Variants in SLC13A5 observed in about 807,000 individuals in gnomAD.
SLC13A5 encodes the protein Na(+)/citrate cotransporter.
Under a neutral mutation model 56.5 loss-of-function variants are expected in SLC13A5, and 25 were observed. The ratio of observed to expected loss-of-function variants is 0.44; its 90% confidence interval spans 0.32 to 0.62. The LOEUF is 0.62. Ranked by LOEUF, SLC13A5 falls within the 20% of genes least tolerant of loss-of-function variation. The pLI, the probability that SLC13A5 is intolerant of heterozygous loss-of-function variation, is 0.04. For synonymous variants in SLC13A5, 307 were observed against 301.5 expected (o/e 1.02, Z -0.19); for missense variants, 649 against 737.8 (o/e 0.88, Z 1.39).
chr17:6,703,467 A>T (rs953543552), intron 4 of SLC13A5, among the ~76,000 whole-genome samples: 5 of 152,214 alleles, frequency 3.3e-5, no homozygotes, highest in African/African-American at 1.2e-4. Flanking sequence ...GGAAGCAAGC[A>T]TGGGACGCCA....
chr17:6,698,233 C>T (rs980612687), intron 6 of SLC13A5, among the ~76,000 whole-genome samples: 56 of 152,230 alleles, frequency 3.7e-4, no homozygotes, highest in African/African-American at 1.2e-3. Context: ...TGGACTGCAG[C>T]CACGCACCCC....
intron 3 of SLC13A5, chr17:6,705,265 A>G (rs1973836373): frequency 6.6e-6 from 1 of 152,256 alleles, no homozygotes. Context: ...TGATATCTCA[A>G]GGCACCAAGG....
In SLC13A5 at chr17:6,687,162, G is replaced by A. The variant is rs1345216466; in HGVS notation, c.1575+367C>T. On this transcript the variant is annotated intron_variant, in intron 11 of 11. Coordinates refer to ENST00000433363, the MANE Select transcript of SLC13A5 (RefSeq NM_177550.5). This position sits in a 1 kb window ranked among gnomAD's most constrained non-coding sequence, Gnocchi z 5.0. The stretch of plus-strand genomic sequence containing the variant: ...CTGTGACTGTCATTAGCATCCCCCT[G>A]CTGCCTAAGCCTGCCCTGCCTATCT... The A allele has an allele frequency of 4.1e-6, 1 of 241,162 alleles. No homozygotes were observed. The highest frequency in any genetic ancestry group is 4.8e-5 in the South Asian group (1 of 20,620). 14.9% of individuals were successfully genotyped at this position (241,162 alleles called of 1,614,324 possible).
chr17:6,691,402 T>C (rs1973402780), intron 9 of SLC13A5, among the ~76,000 whole-genome samples: 1 of 152,102 alleles, frequency 6.6e-6, no homozygotes, highest in Admixed American at 6.5e-5. Flanking sequence ...CACATCCATC[T>C]CCTCCTCTTC....
At chr17:6,705,228 T>G (rs759424464) in intron 3 of SLC13A5, 1 of 152,042 alleles carries the variant, frequency 6.6e-6, no homozygotes, top group Non-Finnish European at 1.5e-5. Flanking sequence ...TGAATGGAGT[T>G]GTCTGAGAAG....
intron 5 of SLC13A5, among the ~76,000 whole-genome samples, chr17:6,702,546 A>G (rs1973741782): frequency 6.6e-6 from 1 of 152,182 alleles, no homozygotes; most frequent in South Asian, 2.1e-4. Context: ...GAGCAAAGGG[A>G]GTGCTGGGGA....
intron 1 of SLC13A5, among the ~76,000 whole-genome samples, chr17:6,712,521 A>T (rs1015584878): frequency 3.9e-5 from 6 of 152,248 alleles, no homozygotes; most frequent in Non-Finnish European, 5.9e-5. Context: ...CCTGCCACCC[A>T]AGGCGCGAGC....
Position 6,703,899 on chromosome 17 carries a change from C to A in SLC13A5, c.526G>T (p.Gly176Cys), listed in dbSNP as rs1973787933. ...TCACCTGGCAGCTCCTTGGCCTTGC[C>A]CTTGTCCACCAGCTCCAGGCCGGCC... Reference protein sequence around the residue: ...TEAGLELVDKGKAKELPGSQV... With the variant: ...TEAGLELVDKCKAKELPGSQV... Residue 176 changes from glycine to cysteine, a missense_variant, in exon 4 of 12, where the codon GGC (glycine) becomes TGC (cysteine). Transcript: ENST00000433363. 7 of 1,568,556 alleles carry A rather than the reference C, an allele frequency of 4.5e-6. No individual in the cohort carries two copies. The South Asian group carries it at 8.3e-5, about 19-fold the overall frequency.
chr17:6,707,169 T>A lies in SLC13A5; in HGVS notation c.103-13A>T, dbSNP rs752220661. 1 of 1,613,288 alleles carries A rather than the reference T, an allele frequency of 6.2e-7. No individual in the cohort carries two copies. Among genetic ancestry groups the A allele is most frequent in the South Asian group, 1.1e-5 (1 of 91,028 alleles). ...CACACCTGACAAACTGAAGAGACAGTCCTGAGGCCTCAGCGTGTTGCCGCC... is the reference window on the plus strand; with the variant it reads ...CACACCTGACAAACTGAAGAGACAGACCTGAGGCCTCAGCGTGTTGCCGCC... On this transcript the variant is annotated splice_polypyrimidine_tract_variant and intron_variant, in intron 1 of 11. Transcript: ENST00000433363.
At chr17:6,693,229 A>ACACC (rs1555541364) in intron 8 of SLC13A5, 67 bp from the exon 9 acceptor site, 3 of 898,454 alleles carry the variant, frequency 3.3e-6, no homozygotes, top group African/African-American at 3.5e-5. Context: ...ACACACACAC[A>ACACC]CCAGAGCAGC....
rs1973195644 is a variant in SLC13A5 at position 6,684,814 on chromosome 17, G to C, written c.*1393C>G. ...GGAACCAGACACATACTCGGTCCTT[G>C]ATGGGGTTTCCTGAGGCTCTCATAC... is the stretch of plus-strand genomic sequence containing the variant. On this transcript the variant is annotated 3_prime_UTR_variant, in exon 12 of 12. Coordinates refer to ENST00000433363, the MANE Select transcript of SLC13A5 (RefSeq NM_177550.5). The C allele has an allele frequency of 2.0e-5, 3 of 152,352 alleles. No homozygotes were observed. The highest frequency in any genetic ancestry group is 3.9e-4 in the East Asian group (2 of 5,180). The allele number at this position is 152,352 out of a possible 1,614,324, so 9.4% of individuals were successfully genotyped here.
At chr17:6,695,536 T>C in intron 7 of SLC13A5, 190 bp downstream of exon 7, 1 of 547,178 alleles carries the variant, frequency 1.8e-6, no homozygotes, top group African/African-American at 1.9e-5. Context: ...ACTACAGGCA[T>C]GTGCCACCAT....
rs1270438085 is a variant in SLC13A5, at chr17:6,685,914, G to C, written c.*293C>G. The C allele has an allele frequency of 2.5e-6, 1 of 403,736 alleles. No homozygotes were observed. Among genetic ancestry groups the C allele is most frequent in the African/African-American group, 2.0e-5 (1 of 49,572 alleles). 25.0% of individuals were successfully genotyped at this position (403,736 alleles called of 1,614,324 possible). A position where few individuals can be genotyped will look rare whatever the true frequency, so the allele number is the denominator to read the frequency against. ...GAGCGGGTACAGCAGCCTGCATCCT[G>C]ATCCCTCGGCTACCTGGCCTCCCTC... On this transcript the variant is annotated 3_prime_UTR_variant, in exon 12 of 12. Coordinates refer to ENST00000433363, the MANE Select transcript of SLC13A5 (RefSeq NM_177550.5). The surrounding 1 kb of genome is among the most constrained non-coding windows in gnomAD (Gnocchi z 4.2).
chr17:6,695,062 G>A (rs1973521110), intron 7 of SLC13A5, among the ~76,000 whole-genome samples: 1 of 152,170 alleles, frequency 6.6e-6, no homozygotes, highest in African/African-American at 2.4e-5. Flanking sequence ...AGATGGCAGA[G>A]CAGAGATTTG....
intron 10 of SLC13A5, chr17:6,689,583 A>G (rs1973340958): frequency 6.6e-6 from 1 of 152,208 alleles, no homozygotes; most frequent in South Asian, 2.1e-4. Flanking sequence ...CATCACCACC[A>G]CGTGCCCAGT....
At chr17:6,696,789 T>C (rs1973573408) in intron 6 of SLC13A5, among the ~76,000 whole-genome samples, 1 of 152,034 alleles carries the variant, frequency 6.6e-6, no homozygotes, top group South Asian at 2.1e-4. Context: ...AAGAGTATTG[T>C]CCTGGAGAGC....
chr17:6,690,702 GC>G, intron 10 of SLC13A5, 76 bp downstream of exon 10: 2 of 1,594,682 alleles, frequency 1.3e-6, no homozygotes, highest in Admixed American at 1.7e-5. Flanking sequence ...GGACATTGCT[GC>G]CTCGTCAGGG....
intron 1 of SLC13A5, among the ~76,000 whole-genome samples, chr17:6,708,002 C>A (rs1344821543): frequency 6.6e-6 from 1 of 152,102 alleles, no homozygotes; most frequent in Non-Finnish European, 1.5e-5. Flanking sequence ...GACAGAGTTT[C>A]GATCCTGTTG....
chr17:6,710,108 G>A (rs1442985129), intron 1 of SLC13A5, among the ~76,000 whole-genome samples: 2 of 152,226 alleles, frequency 1.3e-5, no homozygotes, highest in Non-Finnish European at 2.9e-5. Context: ...AGATATGATT[G>A]GCGCCCACTG....
Sources: allele counts gnomAD v4.1 joint callset (sites outside exome capture counted in the v4.1 genomes callset), GRCh38; gene constraint gnomAD v4.1.1; non-coding constraint Gnocchi (gnomAD v3.1); transcripts MANE v1.5; gene names NCBI Gene and HGNC (gene_info 2026-07-23, HGNC 2026-07-21).